Variants in OR2I1 observed in about 807,000 individuals in gnomAD.
OR2I1 encodes putative olfactory receptor 2I1.
the OR2I1 span, chr6:29,555,728 A>G: frequency 1.6e-6 from 1 of 614,538 alleles, no homozygotes; most frequent in Non-Finnish European, 2.9e-6. Flanking sequence ...AGAGTTGGGC[A>G]ATATACTTCA....
the OR2I1 span, chr6:29,552,954 AAC>A: frequency 9.6e-6 from 3 of 312,494 alleles, no homozygotes; most frequent in Admixed American, 5.0e-5. Flanking sequence ...TGCATAAATA[AAC>A]ACAGAGTACC....
chr6:29,552,914 C>G, the OR2I1 span: 1 of 232,296 alleles, frequency 4.3e-6, no homozygotes, highest in Non-Finnish European at 8.2e-6. Flanking sequence ...AAGGATTCTT[C>G]TGGCCTCGTC....
the OR2I1 span, chr6:29,554,078 C>T: frequency 2.5e-6 from 1 of 398,980 alleles, no homozygotes; most frequent in East Asian, 3.6e-5. Flanking sequence ...GCTCTCAACC[C>T]GCTCATCTAC....
the OR2I1 span, among the ~76,000 whole-genome samples, chr6:29,552,094 C>T: frequency 1.3e-5 from 2 of 152,192 alleles, no homozygotes; most frequent in African/African-American, 4.8e-5. Flanking sequence ...CATTACATAA[C>T]CCATATGTTT....
At chr6:29,553,216 C>A in the OR2I1 span, 1 of 398,730 alleles carries the variant, frequency 2.5e-6, no homozygotes, top group Non-Finnish European at 4.4e-6. Context: ...GGGAGTTTTC[C>A]TCCTTTAGGC....
the OR2I1 span, chr6:29,553,901 T>G: frequency 2.9e-4 from 114 of 398,584 alleles, 1 homozygote; most frequent in Non-Finnish European, 3.8e-4. Flanking sequence ...GTCTGTTGCA[T>G]GCGGTTCAGC....
the OR2I1 span, chr6:29,553,884 C>G: frequency 4.4e-3 from 1,765 of 398,744 alleles, 62 homozygotes; most frequent in East Asian, 0.048. Context: ...GTGCCGTGGC[C>G]CGAGCTGTCT....
chr6:29,551,962 G>A, the OR2I1 span, among the ~76,000 whole-genome samples: 12 of 152,146 alleles, frequency 7.9e-5, no homozygotes, highest in African/African-American at 2.9e-4. Context: ...TGAAAAATTA[G>A]GTTATTGTGA....
At chr6:29,551,921 G>A in the OR2I1 span, among the ~76,000 whole-genome samples, 1 of 152,196 alleles carries the variant, frequency 6.6e-6, no homozygotes, top group African/African-American at 2.4e-5. Context: ...GGATGTTTTG[G>A]TAGGGAGCAG....
the OR2I1 span, chr6:29,555,957 C>T: frequency 6.2e-7 from 1 of 1,613,150 alleles, no homozygotes; most frequent in African/African-American, 1.3e-5. Context: ...ATCTTCCCAT[C>T]TTCCAGTCTC....
the OR2I1 span, chr6:29,553,674 C>T: frequency 2.5e-6 from 1 of 398,530 alleles, no homozygotes; most frequent in Non-Finnish European, 4.4e-6. Context: ...TAAGCGGCCT[C>T]ACCAACTCGG....
chr6:29,552,403 C>T, the OR2I1 span, among the ~76,000 whole-genome samples: 1 of 152,186 alleles, frequency 6.6e-6, no homozygotes, highest in Admixed American at 6.5e-5. Flanking sequence ...TTCTACCCAA[C>T]TTATTCCTGA....
the OR2I1 span, chr6:29,554,012 G>A: frequency 5.0e-6 from 2 of 398,778 alleles, no homozygotes; most frequent in Non-Finnish European, 8.8e-6. Context: ...CCCGCGCAGC[G>A]CTACAACCAG....
At chr6:29,552,071 G>A in the OR2I1 span, among the ~76,000 whole-genome samples, 93,788 of 152,082 alleles carry the variant, frequency 0.62, 29,583 homozygotes, top group South Asian at 0.78. Context: ...TGTCCATCAC[G>A]TAAACTTTCA....
the OR2I1 span, among the ~76,000 whole-genome samples, chr6:29,551,666 T>C: frequency 6.6e-6 from 1 of 152,370 alleles, no homozygotes; most frequent in East Asian, 1.9e-4. Flanking sequence ...AGTTAACAAC[T>C]GCTATGTGCC....
the OR2I1 span, chr6:29,553,661 G>C: frequency 1.5e-5 from 6 of 398,384 alleles, no homozygotes; most frequent in Middle Eastern, 6.2e-4. Flanking sequence ...AGCGCCTCCT[G>C]GCTAAGCGGC....
chr6:29,556,416 C>G, the OR2I1 span: 1 of 1,182,746 alleles, frequency 8.5e-7, no homozygotes, highest in Non-Finnish European at 1.2e-6. Context: ...CTACTCCCCA[C>G]CACAATGGCT....
chr6:29,554,252 A>G, the OR2I1 span: 2 of 397,894 alleles, frequency 5.0e-6, no homozygotes, highest in African/African-American at 4.1e-5. Context: ...CAGGCTGTTC[A>G]TTTTTGTATG....
At chr6:29,556,225 C>T in the OR2I1 span, 4 of 1,612,950 alleles carry the variant, frequency 2.5e-6, no homozygotes, top group African/African-American at 5.3e-5. Flanking sequence ...TGGAGCCCAG[C>T]AAAAGAACCT....
Sources: allele counts gnomAD v4.1 joint callset (sites outside exome capture counted in the v4.1 genomes callset), GRCh38; gene constraint gnomAD v4.1.1; transcripts MANE v1.5; gene names NCBI Gene and HGNC (gene_info 2026-07-23, HGNC 2026-07-21).